Variants in RAD51B observed in about 807,000 individuals in gnomAD.
The protein encoded by RAD51B is DNA repair protein RAD51 homolog 2.
In RAD51B, 38 loss-of-function variants were observed where a neutral mutation model predicts 42.2. The ratio of observed to expected loss-of-function variants is 0.90; its 90% CI spans 0.70 to 1.18. The LOEUF (loss-of-function observed/expected upper bound fraction) is 1.18. Ranked by LOEUF, RAD51B falls within the 50% of genes most tolerant of loss-of-function variation. The pLI is 0.00. For missense variants in RAD51B, 373 were observed against 400.7 expected (o/e 0.93, Z 0.59); for synonymous variants, 154 against 145.2 (o/e 1.06, Z -0.43).
At chr14:68,345,251 A>C (rs1466055790) in intron 8 of RAD51B, among the ~76,000 whole-genome samples, 1 of 152,156 alleles carries the variant, frequency 6.6e-6, no homozygotes, top group African/African-American at 2.4e-5. Flanking sequence ...TATATTTTGC[A>C]ATGTGAGAAG....
At chr14:67,945,668 G>A (rs144991736) in intron 7 of RAD51B, among the ~76,000 whole-genome samples, 2,308 of 151,816 alleles carry the variant, frequency 0.015, 51 homozygotes, top group African/African-American at 0.051. Context: ...ATGGGGTTTC[G>A]TCATGTTGGC....
intron 10 of RAD51B, among the ~76,000 whole-genome samples, chr14:68,484,030 T>A (rs1466646820): frequency 3.3e-5 from 5 of 152,242 alleles, no homozygotes; most frequent in Non-Finnish European, 5.9e-5. Flanking sequence ...TGGATTTTGG[T>A]GACTTAACAG....
intron 7 of RAD51B, among the ~76,000 whole-genome samples, chr14:68,279,213 G>C (rs967443970): frequency 6.6e-6 from 1 of 152,234 alleles, no homozygotes; most frequent in African/African-American, 2.4e-5. Context: ...AGGAGTCCAT[G>C]AGAAGGAACA....
intron 7 of RAD51B, among the ~76,000 whole-genome samples, chr14:67,933,955 G>A (rs2044836982): frequency 1.3e-5 from 2 of 152,090 alleles, no homozygotes; most frequent in Admixed American, 1.3e-4. Flanking sequence ...CTACTTTAGG[G>A]CAATAAATAA....
chr14:68,470,373 T>A (rs1194734274), intron 10 of RAD51B: 1 of 402,640 alleles, frequency 2.5e-6, no homozygotes, highest in Non-Finnish European at 4.8e-6. Context: ...ACACTCTGCC[T>A]TCTTGCTGTG....
chr14:68,228,577 A>G (rs2080087250), intron 7 of RAD51B, among the ~76,000 whole-genome samples: 1 of 152,164 alleles, frequency 6.6e-6, no homozygotes, highest in Non-Finnish European at 1.5e-5. Context: ...TCTATTCATC[A>G]TTTTGGGTCC....
intron 7 of RAD51B, among the ~76,000 whole-genome samples, chr14:68,244,503 T>C (rs914290948): frequency 2.0e-5 from 3 of 152,232 alleles, no homozygotes; most frequent in African/African-American, 7.2e-5. Flanking sequence ...AGGCTGCTTG[T>C]GTTCAGTGAT....
chr14:68,342,854 G>A (rs1164657079), intron 8 of RAD51B, among the ~76,000 whole-genome samples: 2 of 152,142 alleles, frequency 1.3e-5, no homozygotes, highest in African/African-American at 4.8e-5. Context: ...GAATACCAAT[G>A]AGTACCCAGA....
chr14:68,655,323 A>T (rs1179816320), intron 11 of RAD51B, among the ~76,000 whole-genome samples: 1 of 151,994 alleles, frequency 6.6e-6, no homozygotes, highest in African/African-American at 2.4e-5. Flanking sequence ...GCTCAGGGTT[A>T]TACTTTCCAG....
At chr14:68,355,981 G>A (rs2082890005) in intron 8 of RAD51B, among the ~76,000 whole-genome samples, 1 of 152,016 alleles carries the variant, frequency 6.6e-6, no homozygotes, top group Admixed American at 6.5e-5. Flanking sequence ...AAAAATTGCA[G>A]TAAACATTCT....
chr14:68,227,397 A>G (rs1490776510), intron 7 of RAD51B, among the ~76,000 whole-genome samples: 1 of 152,194 alleles, frequency 6.6e-6, no homozygotes, highest in East Asian at 1.9e-4. Context: ...ACTTTCCCAC[A>G]TACCAACTGT....
At chr14:68,063,845 G>A (rs2076607498) in intron 7 of RAD51B, among the ~76,000 whole-genome samples, 1 of 152,198 alleles carries the variant, frequency 6.6e-6, no homozygotes, top group Non-Finnish European at 1.5e-5. Flanking sequence ...TTTAGATGGG[G>A]AATTTAATCC....
intron 7 of RAD51B, among the ~76,000 whole-genome samples, chr14:67,888,240 T>TGA (rs2043119548): frequency 6.6e-6 from 1 of 152,206 alleles, no homozygotes; most frequent in South Asian, 2.1e-4. Flanking sequence ...TCTTGGGTGA[T>TGA]GTTCATCTTT....
intron 7 of RAD51B, among the ~76,000 whole-genome samples, chr14:68,216,491 T>TA (rs1434278134): frequency 6.6e-6 from 1 of 152,188 alleles, no homozygotes; most frequent in Non-Finnish European, 1.5e-5. Context: ...AACTCTACCT[T>TA]AATGTGTTGG....
At chr14:68,259,215 G>A (rs535318983) in intron 7 of RAD51B, among the ~76,000 whole-genome samples, 107 of 150,484 alleles carry the variant, frequency 7.1e-4, no homozygotes, top group African/African-American at 2.5e-3. Flanking sequence ...CAAAGCAAGG[G>A]AGGATGATTT....
chr14:68,402,401 A>C (rs2084131435), intron 8 of RAD51B, among the ~76,000 whole-genome samples: 1 of 152,226 alleles, frequency 6.6e-6, no homozygotes, highest in Non-Finnish European at 1.5e-5. Flanking sequence ...AGCAAGTGCC[A>C]GGGGCCTAGT....
intron 7 of RAD51B, chr14:67,908,790 G>A (rs1259789180): frequency 6.6e-6 from 1 of 152,124 alleles, no homozygotes; most frequent in East Asian, 1.9e-4. Flanking sequence ...GAATACAAAG[G>A]TAAATAAGAC....
rs141177585 is a variant in RAD51B, at chr14:67,999,547, G to T, written c.756+112343G>T. ...ATAAAGGCCATAGACTTTGAAATCA[G>T]ATAGGCTTTGGTTAAATCCCAACTC... On this transcript the variant is annotated intron_variant, in intron 7 of 10. Coordinates refer to ENST00000471583, the MANE Select transcript of RAD51B (RefSeq NM_133510.4). Among the ~76,000 whole-genome samples the T allele has an allele frequency of 4.6e-3, 694 of 152,308 alleles. 6 individuals carry two copies. The highest frequency in any genetic ancestry group is 5.3e-3 in the Non-Finnish European group (358 of 68,018).
intron 10 of RAD51B, among the ~76,000 whole-genome samples, chr14:68,623,992 C>A (rs141294250): frequency 2.0e-3 from 309 of 152,254 alleles, no homozygotes; most frequent in African/African-American, 7.2e-3. Flanking sequence ...TGGGCTCTAG[C>A]TTTGCTTACC....
Sources: allele counts gnomAD v4.1 joint callset (sites outside exome capture counted in the v4.1 genomes callset), GRCh38; gene constraint gnomAD v4.1.1; transcripts MANE v1.5; gene names NCBI Gene and HGNC (gene_info 2026-07-23, HGNC 2026-07-21).